SYT1: variants seen among roughly 807,000 people sequenced by gnomAD.
The protein encoded by SYT1 is synaptotagmin-1.
In SYT1, 8 loss-of-function variants were observed where a neutral mutation model predicts 44.8. That is an observed-to-expected ratio of 0.18 (90% CI 0.10 to 0.32). The LOEUF (loss-of-function observed/expected upper bound fraction) is 0.32. SYT1 is among the 10% of genes least tolerant of loss of function. The probability of loss-of-function intolerance (pLI) is 1.00; values close to 1 mark genes in which losing one functional copy is unlikely to be tolerated. For missense variants in SYT1, 286 were observed against 509.3 expected (o/e 0.56, Z 4.22); for synonymous variants, 154 against 188.8 (o/e 0.82, Z 1.51).
intron 1 of SYT1, among the ~76,000 whole-genome samples, chr12:78,962,431 C>T (rs1879560145): frequency 6.6e-6 from 1 of 150,508 alleles, no homozygotes; most frequent in Admixed American, 6.7e-5. Context: ...TCCTTTATAG[C>T]CTAATGATCA....
intron 1 of SYT1, among the ~76,000 whole-genome samples, chr12:78,940,681 C>T (rs1391471192): frequency 1.3e-5 from 2 of 152,176 alleles, no homozygotes; most frequent in Non-Finnish European, 2.9e-5. Flanking sequence ...AAACACTGCA[C>T]CTAGTCACTT....
At chr12:79,103,872 T>C (rs1592751459) in intron 3 of SYT1, among the ~76,000 whole-genome samples, 1 of 152,138 alleles carries the variant, frequency 6.6e-6, no homozygotes, top group African/African-American at 2.4e-5. Context: ...GAATATGTAC[T>C]TACCCACACC....
chr12:79,397,482 C>G (rs1327006030), intron 9 of SYT1, among the ~76,000 whole-genome samples: 1 of 152,160 alleles, frequency 6.6e-6, no homozygotes, highest in East Asian at 1.9e-4. Flanking sequence ...TCCACTTCAG[C>G]CTCCCAAAGT....
At chr12:79,399,119 C>T (rs776140272) in intron 9 of SYT1, among the ~76,000 whole-genome samples, 22 of 152,030 alleles carry the variant, frequency 1.4e-4, no homozygotes, top group Non-Finnish European at 2.5e-4. Flanking sequence ...ATTTTAGAAT[C>T]CTATTATTTC....
chr12:79,238,017 G>T (rs1042929920), intron 4 of SYT1, among the ~76,000 whole-genome samples: 1 of 152,208 alleles, frequency 6.6e-6, no homozygotes, highest in Non-Finnish European at 1.5e-5. Flanking sequence ...TCTAGACTGT[G>T]CCTTGAACCA....
At chr12:79,045,228 C>G (rs555318156) in intron 2 of SYT1, among the ~76,000 whole-genome samples, 1 of 152,168 alleles carries the variant, frequency 6.6e-6, no homozygotes, top group Non-Finnish European at 1.5e-5. Flanking sequence ...GCCTGGCTGC[C>G]GCCTTGCAGT....
At chr12:79,128,026 G>T (rs1010353482) in intron 3 of SYT1, among the ~76,000 whole-genome samples, 1 of 152,164 alleles carries the variant, frequency 6.6e-6, no homozygotes, top group African/African-American at 2.4e-5. Flanking sequence ...TGGATAAGTA[G>T]GTGGGTGGAT....
chr12:78,977,806 G>A lies in SYT1; in HGVS notation c.-209G>A, dbSNP rs1451487505. 6.6e-5 allele frequency: 10 copies of A among 152,192 alleles called. No homozygotes were observed. The highest frequency in any genetic ancestry group is 1.3e-4 in the Non-Finnish European group (9 of 68,074). 9.4% of individuals were successfully genotyped at this position (152,192 alleles called of 1,614,324 possible). On this transcript the variant is annotated 5_prime_UTR_variant, in exon 2 of 11. Coordinates refer to ENST00000261205, the MANE Select transcript of SYT1 (RefSeq NM_005639.3). ...TATTCTCTCTCTCTCAAGGGAAAACGGGAAAACTAGCAAGAGCTAGCAAGA... is the reference window on the plus strand; with the variant it reads ...TATTCTCTCTCTCTCAAGGGAAAACAGGAAAACTAGCAAGAGCTAGCAAGA...
chr12:79,153,106 T>A (rs1870381501), intron 3 of SYT1, among the ~76,000 whole-genome samples: 2 of 152,028 alleles, frequency 1.3e-5, no homozygotes, highest in Admixed American at 1.3e-4. Flanking sequence ...AAAAAAGGCA[T>A]TAAACTCAAA....
intron 3 of SYT1, among the ~76,000 whole-genome samples, chr12:79,061,869 G>C (rs1565787852): frequency 6.6e-6 from 1 of 152,126 alleles, no homozygotes; most frequent in Non-Finnish European, 1.5e-5. Context: ...TCTCTTAGCA[G>C]TGGAAAACAA....
chr12:79,292,063 A>G lies in SYT1; in HGVS notation c.407A>G (p.Glu136Gly). The G allele has an allele frequency of 1.2e-6, 2 of 1,614,144 alleles. No individual in the cohort carries two copies. Among genetic ancestry groups the G allele is most frequent in the Non-Finnish European group, 1.7e-6 (2 of 1,179,996 alleles). Residue 136 changes from glutamate to glycine, a missense_variant, in exon 6 of 11, where the codon GAA becomes GGA. Physicochemically the swap from Glu to Gly is moderately conservative, Grantham distance 98 (BLOSUM62 -2). Around this residue, in one of 6 missense-constraint regions of SYT1, gnomAD observed 141 missense variants for 165.7 expected, o/e 0.85. Coordinates refer to ENST00000261205, the MANE Select transcript of SYT1 (RefSeq NM_005639.3). ...TTGACAGATGGAGAAGAAAAAGAAG[A>G]ACCCAAAGAAGAGGAGAAACTGGGA... ...TGLTDGEEKE[E>G]PKEEEKLGKL... is the part of the protein sequence containing the mutation.
intron 1 of SYT1, among the ~76,000 whole-genome samples, chr12:78,930,868 G>A (rs1013977401): frequency 1.3e-5 from 2 of 151,776 alleles, no homozygotes; most frequent in African/African-American, 4.8e-5. Context: ...TGTTAAATGA[G>A]GTTAAAAATA....
chr12:79,249,097 T>TTTTTC (rs1877028108), intron 4 of SYT1, among the ~76,000 whole-genome samples: 1 of 107,370 alleles, frequency 9.3e-6, no homozygotes, highest in Non-Finnish European at 1.9e-5. Context: ...TCTTTTTTTT[T>TTTTTC]TTTTTTTTTT....
chr12:79,269,280 T>TTA (rs756702666), intron 4 of SYT1, among the ~76,000 whole-genome samples: 47 of 151,928 alleles, frequency 3.1e-4, no homozygotes, highest in Non-Finnish European at 5.9e-4. Context: ...TCCATGAGCT[T>TTA]TATATATATA....
At chr12:79,208,251 C>A (rs1163158685) in intron 3 of SYT1, among the ~76,000 whole-genome samples, 2 of 152,056 alleles carry the variant, frequency 1.3e-5, no homozygotes, top group African/African-American at 4.8e-5. Flanking sequence ...ATTGTGGGGG[C>A]ATATTTGAGT....
Position 79,291,917 on chromosome 12 carries a change from G to A in SYT1, c.352-91G>A, listed in dbSNP as rs572861277. 16 of 1,501,766 alleles carry A rather than the reference G, an allele frequency of 1.1e-5. No individual in the cohort carries two copies. In the South Asian group the frequency reaches 1.2e-4, roughly 12 times the overall value. The allele number at this position is 1,501,766 out of a possible 1,614,324, so 93.0% of individuals were successfully genotyped here. A position where few individuals can be genotyped will look rare whatever the true frequency, so the allele number is the denominator to read the frequency against. ...TTTCCAGCATCTTAGTGCTTGCTTCGAACAGCTTGGAAGTGTAACTACAGG... is the reference window on the plus strand; with the variant it reads ...TTTCCAGCATCTTAGTGCTTGCTTCAAACAGCTTGGAAGTGTAACTACAGG... On this transcript the variant is annotated intron_variant, in intron 5 of 10. Transcript: ENST00000261205.
chr12:79,119,741 A>G (rs1349137900), intron 3 of SYT1, among the ~76,000 whole-genome samples: 1 of 152,234 alleles, frequency 6.6e-6, no homozygotes, highest in African/African-American at 2.4e-5. Flanking sequence ...CACTGAAACA[A>G]AGAGGAACAT....
chr12:79,320,514 A>G (rs1201901671), intron 8 of SYT1, among the ~76,000 whole-genome samples: 2 of 152,180 alleles, frequency 1.3e-5, no homozygotes, highest in African/African-American at 4.8e-5. Flanking sequence ...GAGCATAACT[A>G]GTCTGTATTA....
intron 10 of SYT1, among the ~76,000 whole-genome samples, chr12:79,446,034 T>TACATATATATATATATGTATA (rs1491131045): frequency 1.0e-4 from 12 of 115,556 alleles, no homozygotes; most frequent in South Asian, 2.7e-4. Flanking sequence ...TATATATATA[T>TACATATATATATATATGTATA]TATGCCTAGG....
Sources: gnomAD v4.1 joint callset for allele counts (sites outside exome capture counted in the v4.1 genomes callset) on GRCh38, gnomAD v4.1.1 for gene constraint, gnomAD v4.1.1 regional missense constraint, MANE v1.5 for transcripts, NCBI Gene and HGNC (gene_info 2026-07-23, HGNC 2026-07-21) for gene names.